The following HVCN1 variants were observed in gnomAD, a reference collection of about 807,000 sequenced individuals.
HVCN1 encodes voltage-gated hydrogen channel 1.
HVCN1 carries 14 observed loss-of-function variants against 29.2 expected under a neutral mutation model. The observed-to-expected ratio is 0.48, with a 90% CI of 0.32 to 0.75. The LOEUF (loss-of-function observed/expected upper bound fraction) is 0.75, where lower values mean the gene tolerates loss of function less well. Among genes scored for constraint, HVCN1 ranks in the 30% least tolerant of loss-of-function variants. HVCN1 has a pLI of 0.04. For missense variants in HVCN1, 263 were observed against 341.8 expected, an observed-to-expected ratio of 0.77 and a Z score of 1.82; for synonymous variants, 131 against 133.2, an observed-to-expected ratio of 0.98 and a Z score of 0.11.
At chr12:110,702,318 G>C (rs1049898388) in exon 2 of HVCN1, 2 of 152,174 alleles carry the variant, frequency 1.3e-5, no homozygotes, top group African/African-American at 2.4e-5. Flanking sequence ...CCAGGGGCTT[G>C]GGGCCAAGTG....
At position 110,649,353 on chromosome 12, in the gene HVCN1, C is replaced by A; in HGVS notation, c.*57G>T. The stretch of plus-strand genomic sequence containing the variant: ...GCCCAGGAGGGGCAGCTGTTCCTCT[C>A]GTGACAGCACAGGCCCATGAGACAG... On this transcript the variant is annotated 3_prime_UTR_variant, in exon 8 of 8. Transcript: ENST00000242607. The A allele has an allele frequency of 2.1e-6, 3 of 1,418,652 alleles. No individual in the cohort carries two copies. The highest frequency in any genetic ancestry group is 3.0e-6 in the Non-Finnish European group (3 of 1,011,130). The allele number at this position is 1,418,652 out of a possible 1,614,324, so 87.9% of individuals were successfully genotyped here. A position where few individuals can be genotyped will look rare whatever the true frequency, so the allele number is the denominator to read the frequency against.
Position 110,650,102 on chromosome 12 carries a change from C to T in HVCN1, c.756+66G>A, listed in dbSNP as rs1319226587. ...TCAGGTGCTCCACCTGCCTTGGCCT[C>T]CCAAAGTGCTAGGATTACAGGCATG... On this transcript the variant is annotated intron_variant, in intron 7 of 7. Transcript: ENST00000242607. 5.4e-6 allele frequency: 6 copies of T among 1,121,134 alleles called. No homozygotes were observed. In the Admixed American group the frequency reaches 1.0e-4, roughly 19 times the overall value. The allele number at this position is 1,121,134 out of a possible 1,614,324, so 69.4% of individuals were successfully genotyped here.
chr12:110,697,575 C>A lies in HVCN1; in HGVS notation c.-104+4734G>T, dbSNP rs147578848. On this transcript the variant is annotated intron_variant, in intron 2 of 4. Coordinates refer to the HVCN1 transcript ENST00000546713. Reference sequence around the variant, plus strand: ...GGCCCACACTGGAGTCCCCCCAAGACTAGCATAGCACCTGGAATGCAAGAA... The same window carrying A: ...GGCCCACACTGGAGTCCCCCCAAGAATAGCATAGCACCTGGAATGCAAGAA... Among the ~76,000 whole-genome samples, 277 of 151,938 alleles carry A rather than the reference C, an allele frequency of 1.8e-3. 3 individuals carry two copies. The highest frequency in any genetic ancestry group is 6.3e-3 in the African/African-American group (262 of 41,446).
chr12:110,653,444 G>A (rs2067879884), intron 5 of HVCN1, among the ~76,000 whole-genome samples: 1 of 151,922 alleles, frequency 6.6e-6, no homozygotes, highest in African/African-American at 2.4e-5. Flanking sequence ...GGGTGACAGG[G>A]CAAGACTCTG....
At position 110,651,296 on chromosome 12, in the gene HVCN1, G is replaced by A. The variant is rs994810445; in HGVS notation, c.564C>T (p.Leu188=). ...CCTCAAACTGGTGCTCCTGGAACAG[G>A]AGGACAATGTCGAGGATGAATGAGA... The part of the protein sequence containing the change: ...VVVSFILDIV[L]LFQEHQFEAL... Residue 188 remains leucine (L), a synonymous_variant, in exon 6 of 8, where the codon CTC becomes CTT. Transcript: ENST00000242607. The A allele has an allele frequency of 1.9e-6, 3 of 1,614,156 alleles. No homozygotes were observed. Among genetic ancestry groups the A allele is most frequent in the East Asian group, 2.2e-5 (1 of 44,890 alleles).
chr12:110,655,096 A>G, intron 5 of HVCN1, 138 bp downstream of exon 5: 1 of 594,272 alleles, frequency 1.7e-6, no homozygotes, highest in Non-Finnish European at 3.1e-6. Flanking sequence ...CTGGAAAGGA[A>G]GACGAAAACA....
At chr12:110,672,683 TGTGTTGCTGGA>T (rs1267493267) in intron 3 of HVCN1, among the ~76,000 whole-genome samples, 1 of 152,180 alleles carries the variant, frequency 6.6e-6, no homozygotes, top group Non-Finnish European at 1.5e-5. Flanking sequence ...AGAATTCTCA[TGTGTTGCTGGA>T]GGCACCCGGG....
At chr12:110,668,422 T>C (rs1341494297) in intron 3 of HVCN1, among the ~76,000 whole-genome samples, 2 of 152,136 alleles carry the variant, frequency 1.3e-5, no homozygotes, top group Non-Finnish European at 2.9e-5. Flanking sequence ...TGAAAATTGC[T>C]TGAACCTAGG....
chr12:110,693,878 C>T (rs2069450804), upstream of HVCN1, among the ~76,000 whole-genome samples: 1 of 152,118 alleles, frequency 6.6e-6, no homozygotes, highest in African/African-American at 2.4e-5. Context: ...TGTCAAAGGC[C>T]CCAGATTACA....
chr12:110,691,842 G>A (rs531541302), upstream of HVCN1, among the ~76,000 whole-genome samples: 139 of 147,350 alleles, frequency 9.4e-4, no homozygotes, highest in African/African-American at 3.4e-3. Flanking sequence ...TCTGCTCCAC[G>A]GTGCAGTGGT....
intron 3 of HVCN1, among the ~76,000 whole-genome samples, chr12:110,675,304 C>T (rs973024722): frequency 1.3e-5 from 2 of 152,074 alleles, no homozygotes; most frequent in African/African-American, 4.8e-5. Flanking sequence ...ACTAAAAATA[C>T]AAAAATTAGC....
intron 3 of HVCN1, among the ~76,000 whole-genome samples, chr12:110,678,433 CTATT>C (rs1255068268): frequency 8.6e-6 from 1 of 116,300 alleles, no homozygotes; most frequent in African/African-American, 3.2e-5. Flanking sequence ...CCATTTCATT[CTATT>C]TCTTTTTTTT....
chr12:110,704,070 G>T (rs2136518846), intron 1 of HVCN1, among the ~76,000 whole-genome samples: 1 of 152,244 alleles, frequency 6.6e-6, no homozygotes, highest in Non-Finnish European at 1.5e-5. Flanking sequence ...TTGACTGCAT[G>T]AAATTTATCC....
chr12:110,695,717 G>C (rs2069478507), intron 2 of HVCN1, among the ~76,000 whole-genome samples: 1 of 152,236 alleles, frequency 6.6e-6, no homozygotes, highest in Non-Finnish European at 1.5e-5. Context: ...AAGCAGCTAT[G>C]AAGAGAGAGG....
chr12:110,667,133 C>G (rs1026017160), intron 3 of HVCN1, among the ~76,000 whole-genome samples: 1 of 152,028 alleles, frequency 6.6e-6, no homozygotes, highest in African/African-American at 2.4e-5. Context: ...CAGCCACTGG[C>G]CATAATTCCT....
At chr12:110,684,847 G>A (rs2069120441) in intron 2 of HVCN1, among the ~76,000 whole-genome samples, 1 of 152,130 alleles carries the variant, frequency 6.6e-6, no homozygotes, top group South Asian at 2.1e-4. Context: ...AGAAGTGGTC[G>A]CTCTGACCCT....
chr12:110,679,392 G>A (rs1026560854), intron 3 of HVCN1, among the ~76,000 whole-genome samples: 7 of 152,234 alleles, frequency 4.6e-5, no homozygotes, highest in African/African-American at 1.7e-4. Flanking sequence ...CAAGGAACAA[G>A]GTCAGCTGAG....
At chr12:110,655,400 T>C in intron 4 of HVCN1, 62 bp from the exon 5 acceptor site, 1 of 1,289,120 alleles carries the variant, frequency 7.8e-7, no homozygotes, top group Non-Finnish European at 1.1e-6. Flanking sequence ...CCCTCTCCCA[T>C]CATTAAGAGC....
At chr12:110,675,531 G>T (rs891325091) in intron 3 of HVCN1, among the ~76,000 whole-genome samples, 8 of 152,158 alleles carry the variant, frequency 5.3e-5, no homozygotes, top group South Asian at 2.1e-4. Flanking sequence ...ACTCAAGTCC[G>T]CTAGCTTTGT....
Sources: allele counts gnomAD v4.1 joint callset (sites outside exome capture counted in the v4.1 genomes callset), GRCh38; gene constraint gnomAD v4.1.1; transcripts MANE v1.5; gene names NCBI Gene and HGNC (gene_info 2026-07-23, HGNC 2026-07-21).